The following TRAP1 variants were observed in gnomAD, a reference collection of about 807,000 sequenced individuals.
TRAP1 encodes heat shock protein 75 kDa, mitochondrial.
In TRAP1, 102 loss-of-function variants were observed where a neutral mutation model predicts 89.1. The ratio of observed to expected loss-of-function variants is 1.15; its 90% CI spans 0.98 to 1.35. TRAP1 has a LOEUF of 1.35. Among genes scored for constraint, TRAP1 ranks in the 40% most tolerant of loss-of-function variants. The probability of loss-of-function intolerance (pLI) is 0.00; values close to 1 mark genes in which losing one functional copy is unlikely to be tolerated. For synonymous variants in TRAP1, 508 were observed against 388.0 expected, an observed-to-expected ratio of 1.31 and a Z score of -3.64; for missense variants, 1,256 against 945.3, an observed-to-expected ratio of 1.33 and a Z score of -4.31.
intron 4 of TRAP1, among the ~76,000 whole-genome samples, chr16:3,684,576 G>C (rs922326516): frequency 6.6e-6 from 1 of 152,186 alleles, no homozygotes; most frequent in East Asian, 1.9e-4. Context: ...GATCACTTGA[G>C]GGCAGGAGTT....
Position 3,671,706 on chromosome 16 carries a change from G to A in TRAP1, c.1235+16C>T, listed in dbSNP as rs191750091. On this transcript the variant is annotated intron_variant, in intron 11 of 17. Coordinates refer to ENST00000246957, the MANE Select transcript of TRAP1 (RefSeq NM_016292.3). Reference sequence around the variant, plus strand: ...TTGTCCCCAGCAGGGTCCTCTCCCCGCGGCCCGAGGCTCACCTGATGAGTG... The same window carrying A: ...TTGTCCCCAGCAGGGTCCTCTCCCCACGGCCCGAGGCTCACCTGATGAGTG... 1,178 of 1,611,296 alleles carry A rather than the reference G, an allele frequency of 7.3e-4. 9 individuals are homozygous for A. The African/African-American group carries it at 0.014, about 19-fold the overall frequency.
chr16:3,704,976 T>A (rs1273936518), intron 1 of TRAP1, among the ~76,000 whole-genome samples: 1 of 152,208 alleles, frequency 6.6e-6, no homozygotes, highest in Non-Finnish European at 1.5e-5. Context: ...TTTATTGAGA[T>A]GTAACACATC....
intron 1 of TRAP1, among the ~76,000 whole-genome samples, chr16:3,712,581 AACG>A (rs2051546999): frequency 6.6e-6 from 1 of 152,064 alleles, no homozygotes; most frequent in South Asian, 2.1e-4. Flanking sequence ...GTAACCAATA[AACG>A]CTTTGCTAAT....
rs533842389 is a variant in TRAP1 at position 3,717,027 on chromosome 16, A to G, written c.88+394T>C. Among the ~76,000 whole-genome samples, 6 of 152,346 alleles carry G rather than the reference A, an allele frequency of 3.9e-5. 1 individual carries two copies. In the South Asian group the frequency reaches 1.0e-3, roughly 26 times the overall value. On this transcript the variant is annotated intron_variant, in intron 1 of 17. Transcript: ENST00000246957. ...AAGCACGATCCATGGAACTAGCACG[A>G]TCACCCCGAGTGAGTCCATTCCCCG...
intron 11 of TRAP1, among the ~76,000 whole-genome samples, chr16:3,670,646 G>A (rs946344505): frequency 1.3e-5 from 2 of 152,204 alleles, no homozygotes; most frequent in Admixed American, 6.5e-5. Flanking sequence ...TGAGGCTGCA[G>A]TGAGCTGTGA....
rs753391297 is a variant in TRAP1, at chr16:3,677,581, T to C, written c.621A>G (p.Ser207=). 3 of 1,614,180 alleles carry C rather than the reference T, an allele frequency of 1.9e-6. No individual in the cohort carries two copies. Among genetic ancestry groups the C allele is most frequent in the Non-Finnish European group, 2.5e-6 (3 of 1,180,026 alleles). ...CCACTCTGTCAGCCACCATGAAAGC[T>C]GAGTAGAAACCCACTCCAAACTGGC... ...IIGQFGVGFY[S]AFMVADRVEV... is the part of the protein sequence containing the mutation. The change falls in exon 6 of 18, where the codon TCA becomes TCG. Residue 207 remains serine, a synonymous_variant. Transcript: ENST00000246957.
At position 3,666,045 on chromosome 16, in the gene TRAP1, A is replaced by G; in HGVS notation, c.1309T>C (p.Tyr437His). ...CCGTAATCTTCAAAAAACTTTGCAT[A>G]CTTCTCAGCATCTTTTTTACTCTGG... ...IDQSKKDAEK[Y>H]AKFFEDYGLF... is the part of the protein sequence containing the mutation. Residue 437 changes from tyrosine to histidine, a missense_variant, in exon 12 of 18, where the codon TAT (tyrosine) becomes CAT (histidine). Physicochemically the swap from Tyr to His is moderately conservative, Grantham distance 83. Transcript: ENST00000246957. 1 of 1,614,026 alleles carries G rather than the reference A, an allele frequency of 6.2e-7. No individual in the cohort carries two copies. Among genetic ancestry groups the G allele is most frequent in the Non-Finnish European group, 8.5e-7 (1 of 1,179,992 alleles).
Position 3,658,776 on chromosome 16 carries a change from T to TA in TRAP1, c.2013+16dup. The TA allele has an allele frequency of 6.2e-7, 1 of 1,611,566 alleles. No individual in the cohort carries two copies. The highest frequency in any genetic ancestry group is 8.5e-7 in the Non-Finnish European group (1 of 1,178,896). On this transcript the variant is annotated intron_variant, in intron 17 of 17. Transcript: ENST00000246957. ...GTAGCCTGGGTCCCTGCAGTCATCC[T>TA]AAGCTGCTGCACTCACCTGATCCAC... is the stretch of plus-strand genomic sequence containing the variant.
At chr16:3,665,304 G>C (rs953037836) in intron 12 of TRAP1, 9 of 152,232 alleles carry the variant, frequency 5.9e-5, no homozygotes, top group Admixed American at 5.9e-4. Context: ...ACACCAGCAC[G>C]GGATGGGCTC....
intron 1 of TRAP1, among the ~76,000 whole-genome samples, chr16:3,714,784 G>A (rs553095208): frequency 2.2e-4 from 34 of 152,238 alleles, no homozygotes; most frequent in Admixed American, 1.9e-3. Context: ...ATGGGCGAGA[G>A]GATTCCACAG....
chr16:3,694,575 T>C lies in TRAP1; in HGVS notation c.89-3590A>G, dbSNP rs1351384857. On this transcript the variant is annotated intron_variant, in intron 1 of 17. Transcript: ENST00000246957. ...CTGGTCTCCAACTCCTGACCTCAAG[T>C]GATCTGCCCACCTTGGCCTCCCAAA... Among the ~76,000 whole-genome samples the C allele has an allele frequency of 2.6e-5, 4 of 152,268 alleles. No homozygotes were observed. In the South Asian group the frequency reaches 8.3e-4, roughly 32 times the overall value.
At chr16:3,708,391 C>A (rs2051479910) in intron 1 of TRAP1, among the ~76,000 whole-genome samples, 1 of 152,078 alleles carries the variant, frequency 6.6e-6, no homozygotes, top group Non-Finnish European at 1.5e-5. Context: ...GTAATGCCAA[C>A]ACTTTGGGAG....
chr16:3,674,289 G>A (rs1017008140), intron 9 of TRAP1, 50 bp downstream of exon 9: 7 of 1,602,004 alleles, frequency 4.4e-6, no homozygotes, highest in South Asian at 1.1e-5. Context: ...TGATGCCACA[G>A]GGGACAACAG....
chr16:3,685,371 C>T (rs182984396), intron 4 of TRAP1, among the ~76,000 whole-genome samples: 69 of 152,308 alleles, frequency 4.5e-4, no homozygotes, highest in Admixed American at 1.9e-3. Flanking sequence ...TTCATTCACG[C>T]GTGCCTGCAT....
At position 3,691,005 on chromosome 16, in the gene TRAP1, G is replaced by T; in HGVS notation, c.89-20C>A. ...GTTTTCCTGAAAAGACAAATATGCA[G>T]AAAGAATGAGAATTAGGAAGACACG... On this transcript the variant is annotated intron_variant, in intron 1 of 17. Transcript: ENST00000246957. 6.9e-7 allele frequency: 1 copy of T among 1,457,790 alleles called. No individual in the cohort carries two copies. The highest frequency in any genetic ancestry group is 9.1e-7 in the Non-Finnish European group (1 of 1,096,480). The allele number at this position is 1,457,790 out of a possible 1,614,324, so 90.3% of individuals were successfully genotyped here. A position where few individuals can be genotyped will look rare whatever the true frequency, so the allele number is the denominator to read the frequency against.
chr16:3,691,088 T>C, intron 1 of TRAP1, 103 bp from the exon 2 acceptor site: 1 of 1,132,890 alleles, frequency 8.8e-7, no homozygotes, highest in Non-Finnish European at 1.2e-6. Context: ...AGCGTGGACA[T>C]CTCTAAGTCG....
chr16:3,677,873 T>C (rs973987424), intron 5 of TRAP1: 2 of 558,204 alleles, frequency 3.6e-6, no homozygotes, highest in African/African-American at 3.8e-5. Context: ...GGGACAAGTG[T>C]GTTTTCCATT....
Position 3,666,044 on chromosome 16 carries a change from T to A in TRAP1, c.1310A>T (p.Tyr437Phe). The A allele has an allele frequency of 1.2e-6, 2 of 1,614,200 alleles. No individual in the cohort carries two copies. Among genetic ancestry groups the A allele is most frequent in the Non-Finnish European group, 1.7e-6 (2 of 1,180,030 alleles). The stretch of plus-strand genomic sequence containing the variant: ...GCCGTAATCTTCAAAAAACTTTGCA[T>A]ACTTCTCAGCATCTTTTTTACTCTG... Reference protein sequence around the residue: ...IDQSKKDAEKYAKFFEDYGLF... With the variant: ...IDQSKKDAEKFAKFFEDYGLF... The change falls in exon 12 of 18, where the codon TAT (tyrosine) becomes TTT (phenylalanine). Residue 437 changes from tyrosine to phenylalanine, a missense_variant. Tyr to Phe is a conservative substitution (Grantham distance 22, BLOSUM62 3). Coordinates refer to ENST00000246957, the MANE Select transcript of TRAP1 (RefSeq NM_016292.3).
At chr16:3,675,969 G>A in intron 7 of TRAP1, 67 bp downstream of exon 7, 1 of 1,380,540 alleles carries the variant, frequency 7.2e-7, no homozygotes, top group Non-Finnish European at 1.0e-6. Flanking sequence ...GAAAATGCCT[G>A]CTGACCTGGT....
Sources: gnomAD v4.1 joint callset for allele counts (sites outside exome capture counted in the v4.1 genomes callset) on GRCh38, gnomAD v4.1.1 for gene constraint, MANE v1.5 for transcripts, NCBI Gene and HGNC (gene_info 2026-07-23, HGNC 2026-07-21) for gene names.